ZMYND11: variants seen among roughly 807,000 people sequenced by gnomAD.
ZMYND11 encodes zinc finger MYND-type containing 11.
Under a neutral mutation model 84.9 loss-of-function variants are expected in ZMYND11, and 9 were observed. The observed-to-expected ratio is 0.11, with a 90% CI of 0.06 to 0.18. ZMYND11 has a LOEUF of 0.18. Ranked by LOEUF, ZMYND11 falls within the 10% of genes least tolerant of loss-of-function variation. ZMYND11 has a pLI of 1.00. For missense variants in ZMYND11, 409 were observed against 761.0 expected (o/e 0.54, Z 5.44); for synonymous variants, 250 against 244.1 (o/e 1.02, Z -0.23).
chr10:240,691 C>T (rs1368687314), intron 8 of ZMYND11, among the ~76,000 whole-genome samples: 1 of 152,132 alleles, frequency 6.6e-6, no homozygotes, highest in African/African-American at 2.4e-5. Flanking sequence ...TGGCCTGAGA[C>T]CAGCGACATG....
chr10:173,826 G>A (rs1242587614), intron 1 of ZMYND11, among the ~76,000 whole-genome samples: 1 of 152,046 alleles, frequency 6.6e-6, no homozygotes, highest in Non-Finnish European at 1.5e-5. Flanking sequence ...TATATCATTA[G>A]GGAATTAAAA....
At chr10:136,162 G>A (rs1423342150) in intron 1 of ZMYND11, among the ~76,000 whole-genome samples, 30 of 152,246 alleles carry the variant, frequency 2.0e-4, no homozygotes, top group Non-Finnish European at 1.5e-4. Flanking sequence ...CGGACCTCCG[G>A]GACAGTCCTG....
chr10:214,112 C>T (rs1034459836), intron 3 of ZMYND11, among the ~76,000 whole-genome samples: 2 of 152,012 alleles, frequency 1.3e-5, no homozygotes, highest in African/African-American at 2.4e-5. Context: ...TCTCAGCCAC[C>T]GTTTGCAGCC....
At chr10:136,361 C>T (rs1023191672) in intron 1 of ZMYND11, among the ~76,000 whole-genome samples, 1 of 152,166 alleles carries the variant, frequency 6.6e-6, no homozygotes, top group African/African-American at 2.4e-5. Flanking sequence ...GAGTGACCGC[C>T]GTACCTGTTT....
intron 1 of ZMYND11, among the ~76,000 whole-genome samples, chr10:142,154 A>G (rs1322944499): frequency 6.6e-6 from 1 of 152,194 alleles, no homozygotes; most frequent in Non-Finnish European, 1.5e-5. Flanking sequence ...TGTAGGGAGC[A>G]CAGTGGCGAG....
intron 1 of ZMYND11, among the ~76,000 whole-genome samples, chr10:139,578 C>G (rs1420015288): frequency 1.3e-5 from 2 of 152,144 alleles, no homozygotes; most frequent in African/African-American, 4.8e-5. Flanking sequence ...TGTTTAGTAG[C>G]TACAATTTTA....
intron 2 of ZMYND11, among the ~76,000 whole-genome samples, chr10:202,044 T>C (rs1157814284): frequency 6.6e-6 from 1 of 152,190 alleles, no homozygotes; most frequent in Admixed American, 6.5e-5. Flanking sequence ...TGCTAACAAA[T>C]ATGTTTTCAC....
chr10:159,131 T>TTC (rs1554760682), intron 1 of ZMYND11, among the ~76,000 whole-genome samples: 4 of 139,720 alleles, frequency 2.9e-5, no homozygotes, highest in Non-Finnish European at 3.1e-5. Context: ...TTTTTTTTTC[T>TTC]TAATAGCTGA....
intron 4 of ZMYND11, among the ~76,000 whole-genome samples, chr10:221,995 A>G (rs1947213489): frequency 6.6e-6 from 1 of 152,140 alleles, no homozygotes; most frequent in African/African-American, 2.4e-5. Flanking sequence ...TAGTTGCAGA[A>G]TGTGGTATGT....
intron 1 of ZMYND11, among the ~76,000 whole-genome samples, chr10:143,171 A>G (rs1451096576): frequency 6.6e-6 from 1 of 152,232 alleles, no homozygotes; most frequent in Admixed American, 6.5e-5. Context: ...GTGTGCCGTC[A>G]TCTAACATAA....
chr10:229,094 A>G (rs1390013353), intron 4 of ZMYND11, among the ~76,000 whole-genome samples: 1 of 152,232 alleles, frequency 6.6e-6, no homozygotes, highest in Non-Finnish European at 1.5e-5. Context: ...AAAGCTGCTC[A>G]TATCATGTGA....
At chr10:202,176 T>C (rs1265331453) in intron 2 of ZMYND11, among the ~76,000 whole-genome samples, 2 of 152,172 alleles carry the variant, frequency 1.3e-5, no homozygotes, top group East Asian at 3.8e-4. Context: ...TTCCAGAAAA[T>C]CTTAAGCCTT....
At chr10:163,354 T>TTC (rs1564296102) in intron 1 of ZMYND11, among the ~76,000 whole-genome samples, 1 of 152,174 alleles carries the variant, frequency 6.6e-6, no homozygotes, top group African/African-American at 2.4e-5. Context: ...ATGGCTATTT[T>TTC]TCAGGGCTAG....
At chr10:168,761 A>T (rs1035675332) in intron 1 of ZMYND11, among the ~76,000 whole-genome samples, 1 of 152,174 alleles carries the variant, frequency 6.6e-6, no homozygotes, top group Non-Finnish European at 1.5e-5. Flanking sequence ...GGAGAGACAG[A>T]TAGGTAGATA....
At chr10:229,500 G>A (rs1410916812) in intron 4 of ZMYND11, among the ~76,000 whole-genome samples, 1 of 151,946 alleles carries the variant, frequency 6.6e-6, no homozygotes, top group Non-Finnish European at 1.5e-5. Flanking sequence ...ATAATCTGTG[G>A]GAGTTAGGAT....
chr10:185,919 A>G (rs1166852606), intron 2 of ZMYND11, among the ~76,000 whole-genome samples: 1 of 152,094 alleles, frequency 6.6e-6, no homozygotes, highest in East Asian at 1.9e-4. Flanking sequence ...TCCTTCTGAC[A>G]GAGGTAAATC....
At chr10:146,200 C>T (rs1262402753) in intron 1 of ZMYND11, among the ~76,000 whole-genome samples, 1 of 151,994 alleles carries the variant, frequency 6.6e-6, no homozygotes, top group Non-Finnish European at 1.5e-5. Context: ...AGTATTTGGC[C>T]TTATTTCTAG....
At chr10:168,156 A>G (rs577557163) in intron 1 of ZMYND11, among the ~76,000 whole-genome samples, 22 of 152,266 alleles carry the variant, frequency 1.4e-4, no homozygotes, top group African/African-American at 4.8e-4. Context: ...TGGGCAGACA[A>G]TACTACATAT....
chr10:221,000 TACC>T (rs1169148242), intron 3 of ZMYND11, among the ~76,000 whole-genome samples, 192 bp from the exon 4 acceptor site: 5 of 152,206 alleles, frequency 3.3e-5, no homozygotes, highest in Admixed American at 3.3e-4. Context: ...TTCTGAATAT[TACC>T]ACTGTTTTAG....
Sources: gnomAD v4.1 joint callset for allele counts (sites outside exome capture counted in the v4.1 genomes callset) on GRCh38, gnomAD v4.1.1 for gene constraint, MANE v1.5 for transcripts, NCBI Gene and HGNC (gene_info 2026-07-23, HGNC 2026-07-21) for gene names.